TOGARAM1: variants seen among roughly 807,000 people sequenced by gnomAD.
TOGARAM1 encodes TOG array regulator of axonemal microtubules protein 1.
In TOGARAM1, 100 loss-of-function variants were observed where a neutral mutation model predicts 166.6. The ratio of observed to expected loss-of-function variants is 0.60; its 90% CI spans 0.51 to 0.71. The LOEUF is 0.71. TOGARAM1 is among the 30% of genes least tolerant of loss of function. TOGARAM1 has a pLI of 0.00. For synonymous variants in TOGARAM1, 758 were observed against 763.8 expected (o/e 0.99, Z 0.13); for missense variants, 2,029 against 2,102.7 (o/e 0.96, Z 0.69).
intron 16 of TOGARAM1, among the ~76,000 whole-genome samples, chr14:45,056,354 T>G (rs1249199581): frequency 1.3e-5 from 2 of 152,126 alleles, no homozygotes; most frequent in Non-Finnish European, 2.9e-5. Context: ...GTTGGGTGCC[T>G]TTTATTTTTT....
intron 14 of TOGARAM1, among the ~76,000 whole-genome samples, chr14:45,048,724 C>T (rs537997413): frequency 1.3e-5 from 2 of 152,162 alleles, no homozygotes; most frequent in Admixed American, 1.3e-4. Context: ...CACCTATAAT[C>T]CCAGCACTTT....
Position 44,967,726 on chromosome 14 carries a change from A to G in TOGARAM1, c.2046+3259A>G, listed in dbSNP as rs529267652. ...ATGATACTGGAGATGTAGATGGGGT[A>G]AAGTATGGAGATAATATCTTGCAAA... On this transcript the variant is annotated intron_variant, in intron 1 of 19. Transcript: ENST00000361462. Among the ~76,000 whole-genome samples the G allele has an allele frequency of 7.9e-5, 12 of 152,310 alleles. No individual in the cohort carries two copies. The South Asian group carries it at 2.5e-3, about 32-fold the overall frequency.
chr14:44,973,576 C>CTT (rs1258197623), intron 1 of TOGARAM1, among the ~76,000 whole-genome samples: 2 of 143,160 alleles, frequency 1.4e-5, no homozygotes, highest in African/African-American at 5.7e-5. Context: ...CTCCAGTGTA[C>CTT]TTTCTCTCTC....
chr14:44,974,788 A>G (rs1213688390), intron 1 of TOGARAM1, among the ~76,000 whole-genome samples: 1 of 144,662 alleles, frequency 6.9e-6, no homozygotes, highest in Admixed American at 6.9e-5. Flanking sequence ...AAAAGTTAAT[A>G]CAACATTCCT....
Position 45,028,270 on chromosome 14 carries a change from AG to A in TOGARAM1, c.3601del (p.Glu1201LysfsTer8). 1 of 1,606,672 alleles carries A rather than the reference AG, an allele frequency of 6.2e-7. No homozygotes were observed. The highest frequency in any genetic ancestry group is 1.1e-5 in the South Asian group (1 of 88,990). On this transcript the variant is annotated frameshift_variant, in exon 10 of 20. Transcript: ENST00000361462. LOFTEE classifies it high-confidence loss of function. ...TTTCACAATAAAGATTGTGAAAAGA[AG>A]GAAAAAAATTCCTGGGAACGAATGA... The part of the protein sequence containing the change: ...ELFHNKDCEK[K>X]EKNSWERMRH...
At chr14:45,023,593 G>T (rs890460497) in intron 7 of TOGARAM1, among the ~76,000 whole-genome samples, 7 of 152,102 alleles carry the variant, frequency 4.6e-5, no homozygotes, top group Non-Finnish European at 8.8e-5. Context: ...TATGCCAGGG[G>T]TTGCAAGCTC....
At chr14:45,042,746 T>TA (rs1178116995) in intron 11 of TOGARAM1, among the ~76,000 whole-genome samples, 1 of 152,134 alleles carries the variant, frequency 6.6e-6, no homozygotes, top group Non-Finnish European at 1.5e-5. Flanking sequence ...ACTTAATTGC[T>TA]AAAAAATACT....
At chr14:44,998,013 A>T (rs1480839493) in intron 2 of TOGARAM1, among the ~76,000 whole-genome samples, 2 of 152,234 alleles carry the variant, frequency 1.3e-5, no homozygotes, top group Non-Finnish European at 2.9e-5. Context: ...AAATGATAAC[A>T]GTTTTCAAAA....
intron 16 of TOGARAM1, among the ~76,000 whole-genome samples, chr14:45,057,841 A>T (rs1481053967): frequency 6.6e-6 from 1 of 152,018 alleles, no homozygotes; most frequent in Non-Finnish European, 1.5e-5. Flanking sequence ...ATTTGTTGGG[A>T]CTTATTATGT....
rs1434141664 is a variant in TOGARAM1 at position 45,046,563 on chromosome 14, A to G, written c.4173A>G (p.Val1391=). ...NGGQSHLHIA[V]RRCTAQHLSD... is the part of the protein sequence containing the mutation. ...CTTGTAGCCATTTACACATTGCTGT[A>G]AGAAGGTGTACAGCCCAGCATTTAT... Residue 1391 remains valine, a synonymous_variant, in exon 14 of 20, where the codon GTA becomes GTG. Coordinates refer to ENST00000361462, the MANE Select transcript of TOGARAM1 (RefSeq NM_001308120.2). 6.8e-6 allele frequency: 9 copies of G among 1,322,742 alleles called. No individual in the cohort carries two copies. The highest frequency in any genetic ancestry group is 8.7e-6 in the Non-Finnish European group (9 of 1,029,226). The allele number at this position is 1,322,742 out of a possible 1,614,324, so 81.9% of individuals were successfully genotyped here.
At position 45,054,457 on chromosome 14, in the gene TOGARAM1, T is replaced by G. The variant is rs774790762; in HGVS notation, c.4467T>G (p.Thr1489=). The G allele has an allele frequency of 3.7e-6, 6 of 1,612,828 alleles. No individual in the cohort carries two copies. The highest frequency in any genetic ancestry group is 3.4e-6 in the Non-Finnish European group (4 of 1,179,180). The change falls in exon 16 of 20, where the codon ACT becomes ACG. Residue 1489 remains threonine (T), a synonymous_variant. Coordinates refer to ENST00000361462, the MANE Select transcript of TOGARAM1 (RefSeq NM_001308120.2). ...QKGLGEIPLD[T]PSAKGRRSHT... ...GTTTGGGGGAGATACCATTAGATAC[T>G]CCTTCAGCAAAAGGAAGACGATCTC... is the stretch of plus-strand genomic sequence containing the variant.
At position 44,994,444 on chromosome 14, in the gene TOGARAM1, G is replaced by A. The variant is rs560382466; in HGVS notation, c.2047-1302G>A. 1.8e-3 allele frequency among the ~76,000 whole-genome samples: 277 copies of A among 151,202 alleles called. 2 individuals are homozygous for A. The highest frequency in any genetic ancestry group is 6.3e-3 in the African/African-American group (261 of 41,226). On this transcript the variant is annotated intron_variant, in intron 1 of 19. Transcript: ENST00000361462. Reference sequence around the variant, plus strand: ...GAGGGCATTCTTTTTTTTGAGACAGGGTCTCAGTCAGTCACTCAGGCTGGA... The same window carrying A: ...GAGGGCATTCTTTTTTTTGAGACAGAGTCTCAGTCAGTCACTCAGGCTGGA...
intron 1 of TOGARAM1, among the ~76,000 whole-genome samples, chr14:44,966,491 AAAAT>A (rs1885546170): frequency 6.6e-6 from 1 of 152,124 alleles, no homozygotes; most frequent in Non-Finnish European, 1.5e-5. Context: ...TAATAATACT[AAAAT>A]AAATTAATTA....
chr14:44,972,618 G>A (rs1185211690), intron 1 of TOGARAM1, among the ~76,000 whole-genome samples: 2 of 152,042 alleles, frequency 1.3e-5, no homozygotes, highest in Non-Finnish European at 2.9e-5. Flanking sequence ...ATTATGTGAG[G>A]CCCCTCTTTA....
Position 44,963,929 on chromosome 14 carries a change from G to T in TOGARAM1, c.1508G>T (p.Ser503Ile). 1 of 1,614,024 alleles carries T rather than the reference G, an allele frequency of 6.2e-7. No individual in the cohort carries two copies. The highest frequency in any genetic ancestry group is 8.5e-7 in the Non-Finnish European group (1 of 1,179,886). The change falls in exon 1 of 20, where the codon AGT (serine) becomes ATT (isoleucine). Residue 503 changes from serine (S) to isoleucine (I), a missense_variant. Around this residue, in one of 2 missense-constraint regions of TOGARAM1, gnomAD observed 1,453 missense variants for 1,432.2 expected, o/e 1.01. Coordinates refer to ENST00000361462, the MANE Select transcript of TOGARAM1 (RefSeq NM_001308120.2). ...ATCTGCTCCCTGCTGACCTATCCTA[G>T]TGAGGATTTTGACTTGCCCAAACTG... The part of the protein sequence containing the change: ...ICICSLLTYP[S>I]EDFDLPKLSF...
intron 1 of TOGARAM1, among the ~76,000 whole-genome samples, chr14:44,967,733 G>A (rs1885635125): frequency 1.3e-5 from 2 of 152,156 alleles, no homozygotes; most frequent in South Asian, 4.1e-4. Flanking sequence ...GGTAAAGTAT[G>A]GAGATAATAT....
intron 15 of TOGARAM1, among the ~76,000 whole-genome samples, chr14:45,054,088 A>C (rs372024378): frequency 1.3e-5 from 2 of 151,868 alleles, no homozygotes; most frequent in South Asian, 2.1e-4. Flanking sequence ...CCAGGCTGGT[A>C]TCAAACTCCT....
rs1886761536 is a variant in TOGARAM1 at position 44,985,746 on chromosome 14, C to T, written c.2047-10000C>T. 1.3e-5 allele frequency among the ~76,000 whole-genome samples: 2 copies of T among 152,202 alleles called. 1 individual carries two copies. The highest frequency in any genetic ancestry group is 4.1e-4 in the South Asian group (2 of 4,834). ...CCAGGACCAGTAGCAGTCCATGGCC[C>T]AGGAGTTGGGAAACTCTGCTTTAAC... is the stretch of plus-strand genomic sequence containing the variant. On this transcript the variant is annotated intron_variant, in intron 1 of 19. Transcript: ENST00000361462.
intron 8 of TOGARAM1, among the ~76,000 whole-genome samples, chr14:45,026,426 G>A (rs1322415751): frequency 6.6e-6 from 1 of 152,064 alleles, no homozygotes. Context: ...TAAACGTTTT[G>A]AAAAATTTGT....
Sources: gnomAD v4.1 joint callset for allele counts (sites outside exome capture counted in the v4.1 genomes callset) on GRCh38, gnomAD v4.1.1 for gene constraint, gnomAD v4.1.1 regional missense constraint, MANE v1.5 for transcripts, NCBI Gene and HGNC (gene_info 2026-07-23, HGNC 2026-07-21) for gene names.